The following SIPA1L3 variants were observed in gnomAD, a reference collection of about 807,000 sequenced individuals.
SIPA1L3 encodes the protein signal-induced proliferation-associated 1-like protein 3.
Under a neutral mutation model 150.1 loss-of-function variants are expected in SIPA1L3, and 59 were observed. The observed-to-expected ratio is 0.39, with a 90% CI of 0.32 to 0.49. SIPA1L3 has a LOEUF of 0.49. Among genes scored for constraint, SIPA1L3 ranks in the 20% least tolerant of loss-of-function variants. SIPA1L3 has a pLI of 0.86. For missense variants in SIPA1L3, 2,211 were observed against 2,489.5 expected (o/e 0.89, Z 2.38); for synonymous variants, 1,070 against 1,077.6 (o/e 0.99, Z 0.14).
In SIPA1L3 at chr19:38,164,470, GCCTCTC is replaced by G. The variant is rs1207057361; in HGVS notation, c.3781-8_3781-3del. ...AGTCTGGGAATGACACGCTTCTCTT[GCCTCTC>G]AGGGAGAACCTCAATACTCAAGTCA... is the stretch of plus-strand genomic sequence containing the variant. On this transcript the variant is annotated splice_polypyrimidine_tract_variant and splice_region_variant and intron_variant, in intron 14 of 21. Transcript: ENST00000222345. The surrounding 1 kb of genome is among the most constrained non-coding windows in gnomAD (Gnocchi z 4.1). 6.3e-7 allele frequency: 1 copy of G among 1,591,532 alleles called. No individual in the cohort carries two copies. Among genetic ancestry groups the G allele is most frequent in the Non-Finnish European group, 8.6e-7 (1 of 1,163,500 alleles).
chr19:38,157,497 C>T (rs1205693423), intron 13 of SIPA1L3, among the ~76,000 whole-genome samples: 1 of 152,214 alleles, frequency 6.6e-6, no homozygotes, highest in Non-Finnish European at 1.5e-5. Flanking sequence ...GCTCCACCCA[C>T]AACCCCTCAC....
chr19:38,012,622 C>T (rs543692877), intron 1 of SIPA1L3, among the ~76,000 whole-genome samples: 3 of 152,036 alleles, frequency 2.0e-5, no homozygotes, highest in South Asian at 2.1e-4. Flanking sequence ...CTCCATCCCC[C>T]GTCTTCTCCA....
At chr19:38,059,953 T>G (rs1214990774) in intron 2 of SIPA1L3, among the ~76,000 whole-genome samples, 1 of 152,150 alleles carries the variant, frequency 6.6e-6, no homozygotes, top group African/African-American at 2.4e-5. Context: ...TTTTGTACTT[T>G]TAGTAGAGAC....
At chr19:38,181,662 G>A (rs1972556460) in intron 15 of SIPA1L3, among the ~76,000 whole-genome samples, 2 of 152,014 alleles carry the variant, frequency 1.3e-5, no homozygotes, top group African/African-American at 4.8e-5. Flanking sequence ...TGGCCAACAT[G>A]GTGAAACGCT....
At position 38,204,149 on chromosome 19, in the gene SIPA1L3, ACAGG is replaced by A; in HGVS notation, c.5146_5149del (p.Gly1716ArgfsTer7). ...CAGCGAGGAGCCACCCCTGGATCTG[ACAGG>A]CAAGGTGTACCAGCTGGAGGTGATG... On this transcript the variant is annotated frameshift_variant, in exon 21 of 22. Transcript: ENST00000222345. LOFTEE classifies it high-confidence loss of function. The A allele has an allele frequency of 6.4e-7, 1 of 1,560,012 alleles. No homozygotes were observed. The highest frequency in any genetic ancestry group is 8.7e-7 in the Non-Finnish European group (1 of 1,151,094).
chr19:38,017,780 C>T (rs1222330337), intron 1 of SIPA1L3, among the ~76,000 whole-genome samples: 1 of 152,082 alleles, frequency 6.6e-6, no homozygotes, highest in African/African-American at 2.4e-5. Context: ...ATCCTCCCAT[C>T]TTGCCTCCCA....
intron 10 of SIPA1L3, among the ~76,000 whole-genome samples, chr19:38,136,269 T>C (rs1971435393): frequency 6.7e-6 from 1 of 148,698 alleles, no homozygotes; most frequent in African/African-American, 2.5e-5. Flanking sequence ...GAGGATGGGA[T>C]TGGGAGACAG....
intron 9 of SIPA1L3, among the ~76,000 whole-genome samples, chr19:38,128,094 G>T (rs1026263208): frequency 5.2e-5 from 6 of 114,988 alleles, no homozygotes; most frequent in South Asian, 6.2e-4. Context: ...TCGCTCTGTC[G>T]CCCAGGCTGG....
At chr19:38,103,280 G>A (rs994516277) in intron 6 of SIPA1L3, among the ~76,000 whole-genome samples, 3 of 152,118 alleles carry the variant, frequency 2.0e-5, no homozygotes, top group South Asian at 2.1e-4. Flanking sequence ...CACATAGGAC[G>A]TATTTGTTGC....
rs1970956034 is a variant in SIPA1L3, at chr19:38,119,065, A to G, written c.2292-241A>G. 2.0e-5 allele frequency among the ~76,000 whole-genome samples: 3 copies of G among 152,100 alleles called. No homozygotes were observed. In the South Asian group the frequency reaches 6.2e-4, roughly 31 times the overall value. ...AACAAAATTGGCTGGGCATGGTGGT[A>G]TAAGCCTGTAGTCCCAGCTACTTGG... On this transcript the variant is annotated intron_variant, in intron 8 of 21. Coordinates refer to ENST00000222345, the MANE Select transcript of SIPA1L3 (RefSeq NM_015073.3).
intron 6 of SIPA1L3, 48 bp downstream of exon 6, chr19:38,101,274 A>C: frequency 1.5e-6 from 2 of 1,341,344 alleles, no homozygotes; most frequent in Admixed American, 3.1e-5. Flanking sequence ...CTGCACTCCT[A>C]CTCAACAGGC....
At chr19:37,992,359 T>C (rs1302309518) in intron 1 of SIPA1L3, among the ~76,000 whole-genome samples, 1 of 152,124 alleles carries the variant, frequency 6.6e-6, no homozygotes, top group Non-Finnish European at 1.5e-5. Context: ...ACAGATAATA[T>C]GATGAATAGG....
At chr19:38,134,489 A>T (rs527491966) in intron 10 of SIPA1L3, among the ~76,000 whole-genome samples, 1 of 147,078 alleles carries the variant, frequency 6.8e-6, no homozygotes, top group East Asian at 2.1e-4. Context: ...CGGGTGGATC[A>T]TGAGGTCAGG....
At chr19:38,084,678 C>T (rs539133746) in intron 3 of SIPA1L3, among the ~76,000 whole-genome samples, 10 of 141,116 alleles carry the variant, frequency 7.1e-5, no homozygotes, top group East Asian at 2.1e-4. Flanking sequence ...TCTGTCGCCT[C>T]GCCCAGGCTG....
intron 1 of SIPA1L3, among the ~76,000 whole-genome samples, chr19:37,947,160 C>G (rs1469152160): frequency 6.6e-6 from 1 of 151,924 alleles, no homozygotes; most frequent in African/African-American, 2.4e-5. Flanking sequence ...CGCCACTGCA[C>G]TCCAGCCTGG....
intron 8 of SIPA1L3, among the ~76,000 whole-genome samples, chr19:38,117,245 G>C (rs1329674541): frequency 6.6e-6 from 1 of 152,100 alleles, no homozygotes; most frequent in Admixed American, 6.5e-5. Flanking sequence ...ACTGTGGCTG[G>C]AGCTGGCTGG....
intron 19 of SIPA1L3, among the ~76,000 whole-genome samples, chr19:38,201,642 G>T (rs929081062): frequency 1.3e-5 from 2 of 152,212 alleles, no homozygotes; most frequent in Admixed American, 6.5e-5. Flanking sequence ...TCGTTGGATC[G>T]AAAGCCTCGA....
chr19:38,064,324 C>G (rs1158102623), intron 2 of SIPA1L3, among the ~76,000 whole-genome samples: 1 of 152,212 alleles, frequency 6.6e-6, no homozygotes, highest in East Asian at 1.9e-4. Flanking sequence ...CTGTCTGGCC[C>G]CTGAGCCCAG....
chr19:37,980,982 C>T (rs746456372), intron 1 of SIPA1L3, among the ~76,000 whole-genome samples: 9 of 152,156 alleles, frequency 5.9e-5, no homozygotes, highest in Non-Finnish European at 1.0e-4. Flanking sequence ...TAGACACAGT[C>T]GTAGTGCCAA....
Sources: gnomAD v4.1 joint callset for allele counts (sites outside exome capture counted in the v4.1 genomes callset) on GRCh38, gnomAD v4.1.1 for gene constraint, Gnocchi (gnomAD v3.1) non-coding constraint, MANE v1.5 for transcripts, NCBI Gene and HGNC (gene_info 2026-07-23, HGNC 2026-07-21) for gene names.